ACTN1: variants seen among roughly 807,000 people sequenced by gnomAD.
ACTN1 encodes alpha-actinin-1.
In ACTN1, 30 loss-of-function variants were observed where a neutral mutation model predicts 119.6. The observed-to-expected ratio is 0.25, with a 90% CI of 0.19 to 0.34. The LOEUF is 0.34. Ranked by LOEUF, ACTN1 falls within the 10% of genes least tolerant of loss-of-function variation. The probability of loss-of-function intolerance (pLI) is 1.00; values close to 1 mark genes in which losing one functional copy is unlikely to be tolerated. For synonymous variants in ACTN1, 429 were observed against 472.6 expected (o/e 0.91, Z 1.20); for missense variants, 764 against 1,223.4 (o/e 0.62, Z 5.60).
intron 8 of ACTN1, among the ~76,000 whole-genome samples, chr14:68,896,865 A>C (rs934829290): frequency 7.9e-5 from 12 of 152,216 alleles, no homozygotes; most frequent in Admixed American, 7.9e-4. Flanking sequence ...CAGATAATTG[A>C]TGGCTTCAGA....
intron 1 of ACTN1, among the ~76,000 whole-genome samples, chr14:68,950,960 C>T (rs778977946): frequency 1.2e-4 from 18 of 152,178 alleles, no homozygotes; most frequent in Non-Finnish European, 2.2e-4. Context: ...TTAAGACCTC[C>T]AGTTAGAGGG....
intron 1 of ACTN1, among the ~76,000 whole-genome samples, chr14:68,937,497 A>G (rs567394894): frequency 2.0e-4 from 31 of 152,348 alleles, no homozygotes; most frequent in Admixed American, 2.0e-3. Flanking sequence ...GAAGAACTTT[A>G]AAGTGCCTTA....
rs767916745 is a variant in ACTN1 at position 68,909,362 on chromosome 14, G to T, written c.550C>A (p.His184Asn). 6.2e-7 allele frequency: 1 copy of T among 1,614,064 alleles called. No individual in the cohort carries two copies. ...TCAATCAGCTCGGGCCGGTGTCGGT[G>T]GATCAAAGCACAGAAGCCGAGGCCA... ...KDGLGFCALI[H>N]RHRPELIDYG... The change falls in exon 6 of 22, where the codon CAC (histidine) becomes AAC (asparagine). Residue 184 changes from histidine (H) to asparagine (N), a missense_variant. By Grantham distance (68) the His-to-Asn change is moderately conservative. This residue lies in a region of ACTN1 where 544 missense variants were observed against 912.0 expected (regional missense o/e 0.60). Transcript: ENST00000394419. This position sits in a 1 kb window ranked among gnomAD's most constrained non-coding sequence, Gnocchi z 4.1.
chr14:68,897,362 AAG>A (rs1491417886), intron 8 of ACTN1, among the ~76,000 whole-genome samples: 3 of 151,622 alleles, frequency 2.0e-5, no homozygotes, highest in African/African-American at 7.3e-5. Context: ...TTGTATATTC[AAG>A]AGTTATTTTT....
intron 1 of ACTN1, among the ~76,000 whole-genome samples, chr14:68,969,870 G>A (rs2036825316): frequency 6.6e-6 from 1 of 152,120 alleles, no homozygotes; most frequent in Non-Finnish European, 1.5e-5. Flanking sequence ...TGCAAGGCTT[G>A]GTGCCTCTTC....
At chr14:68,876,462 T>C (rs150011323) in intron 21 of ACTN1, among the ~76,000 whole-genome samples, 3 of 151,608 alleles carry the variant, frequency 2.0e-5, no homozygotes, top group Non-Finnish European at 4.4e-5. Context: ...TCCCCTCAGG[T>C]CCCTGGGCTG....
chr14:68,969,008 C>G (rs1053636453), intron 1 of ACTN1, among the ~76,000 whole-genome samples: 2 of 152,220 alleles, frequency 1.3e-5, no homozygotes, highest in African/African-American at 4.8e-5. Context: ...TACAGGCCCC[C>G]CAGCCAGGCA....
At chr14:68,969,161 G>A (rs890037403) in intron 1 of ACTN1, among the ~76,000 whole-genome samples, 1 of 152,216 alleles carries the variant, frequency 6.6e-6, no homozygotes, top group African/African-American at 2.4e-5. Flanking sequence ...TATAAGAAAA[G>A]AGAGAAAGAG....
rs536418738 is a variant in ACTN1, at chr14:68,878,280, C to A, written c.2427+178G>T. ...GTCAGGCCTCCCGGATACACACACG[C>A]CCGTGGCCGGGCCGGCTTTCAGGGA... On this transcript the variant is annotated intron_variant, in intron 20 of 21. Transcript: ENST00000394419. This position sits in a 1 kb window ranked among gnomAD's most constrained non-coding sequence, Gnocchi z 4.4. The A allele has an allele frequency of 4.7e-5, 40 of 853,418 alleles. No individual in the cohort carries two copies. In the South Asian group the frequency reaches 7.2e-4, roughly 15 times the overall value. 52.9% of individuals were successfully genotyped at this position (853,418 alleles called of 1,614,324 possible).
intron 11 of ACTN1, among the ~76,000 whole-genome samples, chr14:68,888,631 C>T (rs188436818): frequency 8.5e-5 from 13 of 152,232 alleles, no homozygotes; most frequent in Non-Finnish European, 1.5e-4. Context: ...GGTACTGGTC[C>T]GTGGCCTGTT....
intron 1 of ACTN1, among the ~76,000 whole-genome samples, chr14:68,952,596 G>A (rs1194327533): frequency 6.7e-6 from 1 of 149,796 alleles, no homozygotes; most frequent in East Asian, 2.0e-4. Context: ...GCGGCATCCC[G>A]CCCACCCCCC....
intron 1 of ACTN1, chr14:68,978,738 C>G (rs1039852364): frequency 1.3e-5 from 5 of 371,760 alleles, no homozygotes; most frequent in African/African-American, 1.1e-4. Context: ...CGCGCTCCGG[C>G]CCGGCGTTCC....
intron 1 of ACTN1, among the ~76,000 whole-genome samples, chr14:68,967,568 A>C (rs1161427368): frequency 6.6e-6 from 1 of 152,212 alleles, no homozygotes; most frequent in Non-Finnish European, 1.5e-5. Context: ...GTCTTTAGAG[A>C]GGAGTTTCAC....
chr14:68,887,865 G>A (rs1169588440), intron 11 of ACTN1: 3 of 833,836 alleles, frequency 3.6e-6, no homozygotes, highest in African/African-American at 3.4e-5. Context: ...TTTTCTGCAG[G>A]TAAATCTTTA....
At position 68,879,436 on chromosome 14, in the gene ACTN1, C is replaced by T. The variant is rs571825145; in HGVS notation, c.2281-367G>A. On this transcript the variant is annotated intron_variant, in intron 18 of 21. Transcript: ENST00000394419. This position sits in a 1 kb window ranked among gnomAD's most constrained non-coding sequence, Gnocchi z 4.9. ...AGCAGGTGGGGTGGTGGGCAGCACCCAAGCCCATGCTCCCACGCCTTGGGA... is the reference window on the plus strand; with the variant it reads ...AGCAGGTGGGGTGGTGGGCAGCACCTAAGCCCATGCTCCCACGCCTTGGGA... Among the ~76,000 whole-genome samples the T allele has an allele frequency of 6.6e-6, 1 of 152,232 alleles. No homozygotes were observed. The highest frequency in any genetic ancestry group is 1.5e-5 in the Non-Finnish European group (1 of 67,990).
intron 6 of ACTN1, among the ~76,000 whole-genome samples, chr14:68,905,693 A>C (rs1353121612): frequency 6.6e-6 from 1 of 152,206 alleles, no homozygotes; most frequent in Non-Finnish European, 1.5e-5. Context: ...GAAATAAGCC[A>C]GACACAAAAG....
intron 1 of ACTN1, among the ~76,000 whole-genome samples, chr14:68,943,046 A>G (rs1404971334): frequency 2.0e-5 from 3 of 152,150 alleles, no homozygotes. Flanking sequence ...TCAGCACATT[A>G]AAAAGCAGCA....
intron 21 of ACTN1, 171 bp from the exon 22 acceptor site, chr14:68,875,188 C>G (rs2076759073): frequency 4.1e-6 from 6 of 1,478,310 alleles, no homozygotes; most frequent in Non-Finnish European, 4.5e-6. Flanking sequence ...ATGTACATAC[C>G]GCATACACAA....
At chr14:68,948,913 G>T (rs901019432) in intron 1 of ACTN1, among the ~76,000 whole-genome samples, 2 of 152,114 alleles carry the variant, frequency 1.3e-5, no homozygotes, top group Non-Finnish European at 2.9e-5. Flanking sequence ...TCTGCCAGGG[G>T]GTCAAAGCAG....
Sources: allele counts gnomAD v4.1 joint callset (sites outside exome capture counted in the v4.1 genomes callset), GRCh38; gene constraint gnomAD v4.1.1; regional missense constraint gnomAD v4.1.1; non-coding constraint Gnocchi (gnomAD v3.1); transcripts MANE v1.5; gene names NCBI Gene and HGNC (gene_info 2026-07-23, HGNC 2026-07-21).